The following WDR70 variants were observed in gnomAD, a reference collection of about 807,000 sequenced individuals.
WDR70 encodes WD repeat domain 70.
WDR70 carries 53 observed loss-of-function variants against 88.6 expected under a neutral mutation model. The observed-to-expected ratio is 0.60, with a 90% CI of 0.48 to 0.75. The LOEUF (loss-of-function observed/expected upper bound fraction) is 0.75, where lower values mean the gene tolerates loss of function less well. WDR70 is among the 30% of genes least tolerant of loss of function. The pLI is 0.00. For missense variants in WDR70, 610 were observed against 823.2 expected (o/e 0.74, Z 3.17); for synonymous variants, 280 against 270.0 (o/e 1.04, Z -0.36).
At chr5:37,603,500 A>G (rs1743946673) in intron 9 of WDR70, among the ~76,000 whole-genome samples, 1 of 152,234 alleles carries the variant, frequency 6.6e-6, no homozygotes, top group Non-Finnish European at 1.5e-5. Flanking sequence ...TGAAACTGTA[A>G]AACGACTAGA....
chr5:37,430,086 A>T (rs981317508), intron 5 of WDR70, among the ~76,000 whole-genome samples: 13 of 152,200 alleles, frequency 8.5e-5, no homozygotes, highest in Non-Finnish European at 1.8e-4. Context: ...CTAAGTTTTA[A>T]TGTTTTTTGT....
chr5:37,451,217 C>T (rs1450788886), intron 7 of WDR70, among the ~76,000 whole-genome samples: 1 of 151,916 alleles, frequency 6.6e-6, no homozygotes, highest in South Asian at 2.1e-4. Context: ...CAAGAAAAGA[C>T]AGTAAAATCT....
At chr5:37,619,581 C>T (rs1252309925) in intron 10 of WDR70, among the ~76,000 whole-genome samples, 2 of 152,140 alleles carry the variant, frequency 1.3e-5, no homozygotes, top group Non-Finnish European at 2.9e-5. Flanking sequence ...TTTTTATATA[C>T]ACAAAGTAAA....
rs146217762 is a variant in WDR70, at chr5:37,618,701, T to C, written c.1092+13463T>C. Among the ~76,000 whole-genome samples the C allele has an allele frequency of 3.1e-3, 478 of 152,250 alleles. 1 individual carries two copies. Among genetic ancestry groups the C allele is most frequent in the African/African-American group, 0.011 (449 of 41,550 alleles). On this transcript the variant is annotated intron_variant, in intron 10 of 17. Coordinates refer to ENST00000265107, the MANE Select transcript of WDR70 (RefSeq NM_018034.4). ...GATATATCAGATCAAATAGGGCTGT[T>C]TTGGCTATGTAGAGTTTGGATACTC...
intron 9 of WDR70, among the ~76,000 whole-genome samples, chr5:37,541,303 A>G (rs896808165): frequency 6.6e-6 from 1 of 151,952 alleles, no homozygotes; most frequent in Non-Finnish European, 1.5e-5. Flanking sequence ...TTTTTTTTCT[A>G]TTAACTGATG....
intron 10 of WDR70, among the ~76,000 whole-genome samples, chr5:37,642,179 GC>G (rs887520103): frequency 6.6e-6 from 1 of 151,956 alleles, no homozygotes; most frequent in African/African-American, 2.4e-5. Context: ...AGTTCTCTTA[GC>G]CCTCTGATAC....
intron 5 of WDR70, among the ~76,000 whole-genome samples, chr5:37,398,941 A>G (rs1432119641): frequency 3.3e-5 from 5 of 152,156 alleles, no homozygotes; most frequent in Non-Finnish European, 4.4e-5. Context: ...CAGGAGTTTG[A>G]GACTAGCCTG....
chr5:37,629,561 G>A (rs1744756978), intron 10 of WDR70, among the ~76,000 whole-genome samples: 1 of 152,088 alleles, frequency 6.6e-6, no homozygotes, highest in Non-Finnish European at 1.5e-5. Flanking sequence ...GTCTGTTGTT[G>A]AAGCTCTCAA....
intron 17 of WDR70, among the ~76,000 whole-genome samples, chr5:37,750,249 C>A (rs1748766722): frequency 6.6e-6 from 1 of 152,092 alleles, no homozygotes; most frequent in Non-Finnish European, 1.5e-5. Context: ...AGACTAATAT[C>A]TTGGCTGGGC....
intron 8 of WDR70, chr5:37,506,479 C>T (rs1427698402): frequency 2.6e-6 from 2 of 768,976 alleles, no homozygotes; most frequent in Non-Finnish European, 4.9e-6. Context: ...TGCTTATTTC[C>T]CCAGACACCT....
intron 3 of WDR70, among the ~76,000 whole-genome samples, chr5:37,388,109 T>C (rs533204947): frequency 1.3e-5 from 2 of 152,164 alleles, no homozygotes; most frequent in East Asian, 1.9e-4. Context: ...GTAGGACATA[T>C]GAAATACAAA....
chr5:37,550,809 T>TCTTC (rs141393030), intron 9 of WDR70, among the ~76,000 whole-genome samples: 24,791 of 152,036 alleles, frequency 0.16, 2,122 homozygotes, highest in South Asian at 0.26. Flanking sequence ...TTTGGTCTTC[T>TCTTC]CTTCCTTCCT....
At chr5:37,604,908 A>C (rs1187253787) in intron 9 of WDR70, among the ~76,000 whole-genome samples, 156 bp from the exon 10 acceptor site, 1 of 152,198 alleles carries the variant, frequency 6.6e-6, no homozygotes, top group East Asian at 1.9e-4. Flanking sequence ...ATAAATAGAG[A>C]ATCTTTTACA....
chr5:37,607,665 T>C (rs1363256881), intron 10 of WDR70, among the ~76,000 whole-genome samples: 2 of 152,176 alleles, frequency 1.3e-5, no homozygotes, highest in African/African-American at 4.8e-5. Context: ...GGACACTTTT[T>C]AGGTACCCAG....
intron 9 of WDR70, among the ~76,000 whole-genome samples, chr5:37,558,455 A>G (rs536233628): frequency 9.9e-5 from 15 of 152,060 alleles, no homozygotes; most frequent in Non-Finnish European, 4.4e-5. Flanking sequence ...GGTAGCTGGG[A>G]CTATAGGTGC....
At chr5:37,482,988 G>A (rs1313130274) in intron 8 of WDR70, among the ~76,000 whole-genome samples, 9 of 151,202 alleles carry the variant, frequency 6.0e-5, no homozygotes, top group Middle Eastern at 6.8e-3. Context: ...TTGAGGTAGT[G>A]TGCGATGATC....
rs982656583 is a variant in WDR70 at position 37,487,559 on chromosome 5, T to C, written c.840+7572T>C. Among the ~76,000 whole-genome samples, 3 of 147,966 alleles carry C rather than the reference T, an allele frequency of 2.0e-5. No individual in the cohort carries two copies. In the Admixed American group the frequency reaches 2.0e-4, roughly 10 times the overall value. On this transcript the variant is annotated intron_variant, in intron 8 of 17. Transcript: ENST00000265107. ...GTTGTTATATTATTAAATTTGTATC[T>C]ATATTCTTTATATCATTTTATATAT...
chr5:37,689,719 A>G (rs908925851), intron 10 of WDR70, among the ~76,000 whole-genome samples: 2 of 152,254 alleles, frequency 1.3e-5, no homozygotes, highest in Admixed American at 1.3e-4. Flanking sequence ...ACCAACATCA[A>G]AGACCAAAGG....
At chr5:37,696,670 C>G in intron 10 of WDR70, among the ~76,000 whole-genome samples, 1 of 86,182 alleles carries the variant, frequency 1.2e-5, no homozygotes. Flanking sequence ...CAGGTACACA[C>G]ACACGCGCGT....
Sources: gnomAD v4.1 joint callset for allele counts (sites outside exome capture counted in the v4.1 genomes callset) on GRCh38, gnomAD v4.1.1 for gene constraint, MANE v1.5 for transcripts, NCBI Gene and HGNC (gene_info 2026-07-23, HGNC 2026-07-21) for gene names.